The following FABP4 variants were observed in gnomAD, a reference collection of about 807,000 sequenced individuals.
FABP4 encodes the protein fatty acid-binding protein, adipocyte.
A neutral mutation model predicts 14.6 loss-of-function variants in FABP4; 17 were observed. The ratio of observed to expected loss-of-function variants is 1.16; its 90% CI spans 0.80 to 1.74. FABP4 has a LOEUF of 1.74. Among genes scored for constraint, FABP4 ranks in the 40% most tolerant of loss-of-function variants. The pLI, the probability that FABP4 is intolerant of heterozygous loss-of-function variation, is 0.00. For missense variants in FABP4, 149 were observed against 160.3 expected, an observed-to-expected ratio of 0.93 and a Z score of 0.38; for synonymous variants, 54 against 54.6, an observed-to-expected ratio of 0.99 and a Z score of 0.05.
intron 2 of FABP4, chr8:81,479,790 G>A: frequency 4.0e-6 from 1 of 250,032 alleles, no homozygotes; most frequent in Non-Finnish European, 7.5e-6. Context: ...TAGTATGGGT[G>A]GTTTTTCTAT....
chr8:81,479,416 C>T lies in FABP4; in HGVS notation c.346G>A (p.Val116Met), dbSNP rs1444505907. 1.2e-6 allele frequency: 2 copies of T among 1,611,828 alleles called. No homozygotes were observed. The highest frequency in any genetic ancestry group is 1.7e-6 in the Non-Finnish European group (2 of 1,178,166). ...TTAAGTAGCTAGAAGATACTCACCA[C>T]CACCAGTTTATCATCCTCTCGTTTT... is the stretch of plus-strand genomic sequence containing the variant. ...KRKREDDKLV[V>M]ECVMKGVTST... Residue 116 changes from valine (V) to methionine (M), a missense_variant and splice_region_variant, in exon 3 of 4, where the codon GTG becomes ATG. Physicochemically the swap from Val to Met is conservative, Grantham distance 21. Coordinates refer to ENST00000256104, the MANE Select transcript of FABP4 (RefSeq NM_001442.3).
intron 1 of FABP4, 113 bp downstream of exon 1, chr8:81,482,982 G>A: frequency 1.4e-6 from 1 of 732,270 alleles, no homozygotes; most frequent in South Asian, 2.4e-5. Context: ...ATAGAAAGCA[G>A]CATTTTTCAT....
chr8:81,479,676 A>T, intron 2 of FABP4, 161 bp from the exon 3 acceptor site: 1 of 541,152 alleles, frequency 1.8e-6, no homozygotes, highest in Middle Eastern at 4.1e-4. Context: ...AAACAACAAC[A>T]TAACCACTTA....
Position 81,478,785 on chromosome 8 carries a change from CA to C in FABP4, c.*79del. ...TTGCTTGCTAAATCATGGAAAACAA[CA>C]ATATCTTTTTGAACAATATATCCCA... On this transcript the variant is annotated 3_prime_UTR_variant, in exon 4 of 4. Transcript: ENST00000256104. 1 of 1,284,912 alleles carries C rather than the reference CA, an allele frequency of 7.8e-7. No homozygotes were observed. 79.6% of individuals were successfully genotyped at this position (1,284,912 alleles called of 1,614,324 possible). A position where few individuals can be genotyped will look rare whatever the true frequency, so the allele number is the denominator to read the frequency against.
chr8:81,478,958 C>T (rs764753667), intron 3 of FABP4, 43 bp from the exon 4 acceptor site: 3 of 1,512,332 alleles, frequency 2.0e-6, no homozygotes, highest in Non-Finnish European at 2.8e-6. Flanking sequence ...TGGATTAAAC[C>T]ATGGATTTAT....
At chr8:81,479,558 C>A in intron 2 of FABP4, 43 bp from the exon 3 acceptor site, 7 of 1,471,094 alleles carry the variant, frequency 4.8e-6, no homozygotes, top group East Asian at 4.6e-5. Flanking sequence ...CAGAGGGAGG[C>A]AGAAAAAAAT....
chr8:81,480,396 T>C (rs751756237), intron 2 of FABP4, 30 bp downstream of exon 2: 1 of 1,605,666 alleles, frequency 6.2e-7, no homozygotes. Flanking sequence ...AAACCAGGCA[T>C]GTACTCTGTG....
Position 81,480,447 on chromosome 8 carries a change from A to C in FABP4, c.225T>G (p.Thr75=), listed in dbSNP as rs146187614. The change falls in exon 2 of 4, where the codon ACT becomes ACG. Residue 75 remains threonine (T), a synonymous_variant. Coordinates refer to ENST00000256104, the MANE Select transcript of FABP4 (RefSeq NM_001442.3). ...TCACCTTGACTTTCCTGTCATCTGCAGTGACTTCGTCAAATTCCTGGCCCA... is the reference window on the plus strand; with the variant it reads ...TCACCTTGACTTTCCTGTCATCTGCCGTGACTTCGTCAAATTCCTGGCCCA... ...FILGQEFDEV[T]ADDRKVKSTI... The C allele has an allele frequency of 4.5e-5, 72 of 1,613,698 alleles. 1 individual carries two copies. In the African/African-American group the frequency reaches 8.1e-4, roughly 18 times the overall value.
chr8:81,480,768 TAAA>T (rs74275141), intron 1 of FABP4, among the ~76,000 whole-genome samples, 170 bp from the exon 2 acceptor site: 7 of 130,294 alleles, frequency 5.4e-5, no homozygotes, highest in Non-Finnish European at 9.9e-5. Flanking sequence ...GGCCAATACT[TAAA>T]AAAAAAAAAA....
rs1398905892 is a variant in FABP4, at chr8:81,480,471, C to T, written c.201G>A (p.Leu67=). Residue 67 remains leucine (L), a synonymous_variant, in exon 2 of 4, where the codon CTG becomes CTA. Transcript: ENST00000256104. ...CAGTGACTTCGTCAAATTCCTGGCC[C>T]AGTATGAAGGAAATCTCAGTATTTT... The part of the protein sequence containing the change: ...TFKNTEISFI[L]GQEFDEVTAD... The T allele has an allele frequency of 6.2e-7, 1 of 1,613,736 alleles. No homozygotes were observed.
In FABP4 at chr8:81,480,516, A is replaced by C. The variant is rs781283836; in HGVS notation, c.156T>G (p.Ile52Met). The C allele has an allele frequency of 6.8e-6, 11 of 1,613,920 alleles. No individual in the cohort carries two copies. Among genetic ancestry groups the C allele is most frequent in the South Asian group, 1.1e-5 (1 of 91,072 alleles). Residue 52 changes from isoleucine (I) to methionine (M), a missense_variant, in exon 2 of 4, where the codon ATT becomes ATG. Physicochemically the swap from Ile to Met is conservative, Grantham distance 10. Coordinates refer to ENST00000256104, the MANE Select transcript of FABP4 (RefSeq NM_001442.3). Reference sequence around the variant, plus strand: ...TATTTTTAAAGGTACTTTCAGATTTAATGGTGATCACATCCCCATTCACAC... The same window carrying C: ...TATTTTTAAAGGTACTTTCAGATTTCATGGTGATCACATCCCCATTCACAC... Reference protein sequence around the residue: ...IISVNGDVITIKSESTFKNTE... With the variant: ...IISVNGDVITMKSESTFKNTE...
Position 81,478,964 on chromosome 8 carries a change from T to C in FABP4, c.349-49A>G, listed in dbSNP as rs750111612. 23 of 1,453,650 alleles carry C rather than the reference T, an allele frequency of 1.6e-5. No individual in the cohort carries two copies. The East Asian group carries it at 5.0e-4, about 32-fold the overall frequency. The allele number at this position is 1,453,650 out of a possible 1,614,324, so 90.0% of individuals were successfully genotyped here. A position where few individuals can be genotyped will look rare whatever the true frequency, so the allele number is the denominator to read the frequency against. On this transcript the variant is annotated intron_variant, in intron 3 of 3. Transcript: ENST00000256104. ...GTCAATCACTGGATTAAACCATGGA[T>C]TTATTTATTGTCTCTCTGAATGTTG...
At position 81,478,907 on chromosome 8, in the gene FABP4, G is replaced by T; in HGVS notation, c.357C>A (p.Val119=). 1 of 1,613,094 alleles carries T rather than the reference G, an allele frequency of 6.2e-7. No homozygotes were observed. The highest frequency in any genetic ancestry group is 1.1e-5 in the South Asian group (1 of 91,014). Residue 119 remains valine, a synonymous_variant, in exon 4 of 4, where the codon GTC becomes GTA. Coordinates refer to ENST00000256104, the MANE Select transcript of FABP4 (RefSeq NM_001442.3). ...REDDKLVVEC[V]MKGVTSTRVY... Reference sequence around the variant, plus strand: ...CTCTCGTGGAAGTGACGCCTTTCATGACGCATTCCTAGACACAAAAAACAA... The same window carrying T: ...CTCTCGTGGAAGTGACGCCTTTCATTACGCATTCCTAGACACAAAAAACAA...
At chr8:81,482,856 A>G (rs1808100934) in intron 1 of FABP4, among the ~76,000 whole-genome samples, 4 of 152,182 alleles carry the variant, frequency 2.6e-5, no homozygotes, top group African/African-American at 7.2e-5. Context: ...GACAATAAAC[A>G]TTCCATTTAG....
intron 1 of FABP4, among the ~76,000 whole-genome samples, chr8:81,481,190 C>A (rs1191091692): frequency 6.6e-6 from 1 of 152,158 alleles, no homozygotes; most frequent in African/African-American, 2.4e-5. Flanking sequence ...CAAATTACTC[C>A]ACCATGAAAT....
In FABP4 at chr8:81,479,500, C is replaced by A. The variant is rs1299386026; in HGVS notation, c.262G>T (p.Asp88Tyr). 1 of 1,613,082 alleles carries A rather than the reference C, an allele frequency of 6.2e-7. No homozygotes were observed. The highest frequency in any genetic ancestry group is 1.7e-5 in the Admixed American group (1 of 59,970). ...TGCACATGTACCAGGACACCCCCAT[C>A]TAAGGTTATGGTGCTCTGTAGGCAT... ...DRKVKSTITL[D>Y]GGVLVHVQKW... The change falls in exon 3 of 4, where the codon GAT (aspartate) becomes TAT (tyrosine). Residue 88 changes from aspartate to tyrosine, a missense_variant. Asp to Tyr is a radical substitution (Grantham distance 160). Coordinates refer to ENST00000256104, the MANE Select transcript of FABP4 (RefSeq NM_001442.3).
chr8:81,479,312 G>C (rs1250496529), intron 3 of FABP4, 102 bp downstream of exon 3: 6 of 941,172 alleles, frequency 6.4e-6, no homozygotes, highest in Non-Finnish European at 9.8e-6. Flanking sequence ...TCCTCTTTTT[G>C]TTTCAGATAA....
Position 81,478,821 on chromosome 8 carries a change from G to T in FABP4, c.*44C>A. ...TGAACAATATATCCCACAGAATGTT[G>T]TAGAGTTCAATGCGAACTTCAGTCC... On this transcript the variant is annotated 3_prime_UTR_variant, in exon 4 of 4. Coordinates refer to ENST00000256104, the MANE Select transcript of FABP4 (RefSeq NM_001442.3). 1 of 1,543,404 alleles carries T rather than the reference G, an allele frequency of 6.5e-7. No individual in the cohort carries two copies.
At position 81,480,979 on chromosome 8, in the gene FABP4, C is replaced by T. The variant is rs28759102; in HGVS notation, c.74-381G>A. On this transcript the variant is annotated intron_variant, in intron 1 of 3. Transcript: ENST00000256104. ...ATGTTAGCCACTGTTATTTTTCTCT[C>T]TTAATAAAATACTTGAGGCTACTTG... Among the ~76,000 whole-genome samples, 714 of 152,160 alleles carry T rather than the reference C, an allele frequency of 4.7e-3. 6 individuals carry two copies. Among genetic ancestry groups the T allele is most frequent in the African/African-American group, 0.016 (680 of 41,522 alleles).
Sources: allele counts gnomAD v4.1 joint callset (sites outside exome capture counted in the v4.1 genomes callset), GRCh38; gene constraint gnomAD v4.1.1; transcripts MANE v1.5; gene names NCBI Gene and HGNC (gene_info 2026-07-23, HGNC 2026-07-21).